The following DLG2 variants were observed in gnomAD, a reference collection of about 807,000 sequenced individuals.
DLG2 encodes the protein discs large MAGUK scaffold protein 2, also known as disks large homolog 2.
DLG2 carries 45 observed loss-of-function variants against 132.5 expected under a neutral mutation model. The observed-to-expected ratio is 0.34, with a 90% CI of 0.27 to 0.44. The LOEUF (loss-of-function observed/expected upper bound fraction) is 0.44, where lower values mean the gene tolerates loss of function less well. Ranked by LOEUF, DLG2 falls within the 20% of genes least tolerant of loss-of-function variation. The pLI is 1.00. For missense variants in DLG2, 1,045 were observed against 1,196.9 expected, an observed-to-expected ratio of 0.87 and a Z score of 1.87; for synonymous variants, 424 against 419.6, an observed-to-expected ratio of 1.01 and a Z score of -0.13.
chr11:85,477,902 G>T (rs1157007678), intron 3 of DLG2, among the ~76,000 whole-genome samples: 1 of 152,062 alleles, frequency 6.6e-6, no homozygotes. Flanking sequence ...TTATTCATTT[G>T]CTGTCCACAA....
intron 9 of DLG2, among the ~76,000 whole-genome samples, chr11:84,158,171 C>G (rs1364537453): frequency 6.6e-6 from 1 of 151,988 alleles, no homozygotes; most frequent in East Asian, 1.9e-4. Flanking sequence ...TCATGCCATT[C>G]TCCTGCCTCA....
chr11:83,865,945 C>T (rs1057336062), intron 16 of DLG2, among the ~76,000 whole-genome samples: 2 of 152,124 alleles, frequency 1.3e-5, no homozygotes, highest in Admixed American at 6.6e-5. Flanking sequence ...ATTGTGCAGC[C>T]ATTGATAATG....
At chr11:84,651,898 A>G (rs1414855601) in intron 6 of DLG2, among the ~76,000 whole-genome samples, 4 of 152,182 alleles carry the variant, frequency 2.6e-5, no homozygotes, top group African/African-American at 7.2e-5. Context: ...GTACCAATAT[A>G]CAGATTTTAA....
chr11:83,920,292 A>C (rs1393835884), intron 15 of DLG2, among the ~76,000 whole-genome samples: 2 of 152,212 alleles, frequency 1.3e-5, no homozygotes, highest in African/African-American at 4.8e-5. Flanking sequence ...TTTAAACCTC[A>C]TATGAGCTGA....
rs552333696 is a variant in DLG2 at position 85,262,828 on chromosome 11, T to C, written c.186+22392A>G. On this transcript the variant is annotated intron_variant, in intron 4 of 27. Transcript: ENST00000376104. ...TTCCCAGTTCATCTGCATCTCATTA[T>C]GGAGCCACGAGAATAAGCAGCCCAA... Among the ~76,000 whole-genome samples the C allele has an allele frequency of 7.9e-5, 12 of 152,332 alleles. No homozygotes were observed. The South Asian group carries it at 2.5e-3, about 32-fold the overall frequency.
intron 18 of DLG2, chr11:83,645,608 T>C (rs908926714): frequency 3.3e-5 from 5 of 152,116 alleles, no homozygotes; most frequent in South Asian, 4.1e-4. Flanking sequence ...GGCAAATTTA[T>C]CTTTCCTCTG....
intron 6 of DLG2, among the ~76,000 whole-genome samples, chr11:84,738,656 T>C (rs1376083342): frequency 6.6e-6 from 1 of 152,154 alleles, no homozygotes; most frequent in Non-Finnish European, 1.5e-5. Context: ...GTGGAGGAAC[T>C]GAAACTCCCC....
chr11:85,452,525 C>T (rs2092283287), intron 3 of DLG2: 1 of 200,776 alleles, frequency 5.0e-6, no homozygotes, highest in African/African-American at 2.3e-5. Context: ...CTACTATAGC[C>T]TCCATCACTG....
chr11:84,139,097 G>A (rs908091910), intron 9 of DLG2, among the ~76,000 whole-genome samples: 8 of 152,118 alleles, frequency 5.3e-5, no homozygotes, highest in African/African-American at 1.9e-4. Context: ...AACAAGAAGA[G>A]TCAAGTCTAG....
intron 6 of DLG2, among the ~76,000 whole-genome samples, chr11:84,693,127 T>C (rs1363047153): frequency 1.3e-5 from 2 of 151,762 alleles, no homozygotes; most frequent in Admixed American, 1.3e-4. Flanking sequence ...GTTAAGAATG[T>C]CTCGTAAGTA....
At chr11:84,307,630 A>C (rs2090215) in intron 7 of DLG2, among the ~76,000 whole-genome samples, 1 of 146,556 alleles carries the variant, frequency 6.8e-6, no homozygotes, top group Admixed American at 6.9e-5. Context: ...CGGGAAGCAG[A>C]CCTTGCAGTG....
intron 6 of DLG2, among the ~76,000 whole-genome samples, chr11:84,663,228 G>GTT (rs1206402483): frequency 2.6e-5 from 3 of 116,378 alleles, no homozygotes; most frequent in Non-Finnish European, 5.1e-5. Context: ...GCCTTTACAG[G>GTT]TTATATATAT....
intron 17 of DLG2, among the ~76,000 whole-genome samples, chr11:83,808,827 T>C (rs902659934): frequency 1.4e-4 from 21 of 152,190 alleles, no homozygotes; most frequent in Admixed American, 8.5e-4. Context: ...TCATTTTTTT[T>C]CCTCTCTATT....
At position 83,712,350 on chromosome 11, in the gene DLG2, C is replaced by T. The variant is rs748631536; in HGVS notation, c.1825+74340G>A. Among the ~76,000 whole-genome samples the T allele has an allele frequency of 3.9e-5, 6 of 152,136 alleles. No individual in the cohort carries two copies. In the South Asian group the frequency reaches 8.3e-4, roughly 21 times the overall value. The stretch of plus-strand genomic sequence containing the variant: ...AGTCATAAAAAGGATCAAGATTTGC[C>T]GGGCGTGGTGGCTTACACCTGTAAT... On this transcript the variant is annotated intron_variant, in intron 18 of 27. Coordinates refer to ENST00000376104, the MANE Select transcript of DLG2 (RefSeq NM_001142699.3).
At chr11:83,700,089 T>C (rs1252438222) in intron 18 of DLG2, among the ~76,000 whole-genome samples, 1 of 151,812 alleles carries the variant, frequency 6.6e-6, no homozygotes, top group African/African-American at 2.4e-5. Flanking sequence ...AAATACCTTA[T>C]AAAAATTAAA....
At chr11:83,932,880 T>C (rs993872794) in intron 14 of DLG2, among the ~76,000 whole-genome samples, 2 of 152,136 alleles carry the variant, frequency 1.3e-5, no homozygotes, top group African/African-American at 4.8e-5. Context: ...AGTACTTAAT[T>C]ATAGCATGTG....
chr11:83,686,001 CCT>C (rs1412810612), intron 18 of DLG2, among the ~76,000 whole-genome samples: 2 of 151,848 alleles, frequency 1.3e-5, no homozygotes, highest in Non-Finnish European at 2.9e-5. Flanking sequence ...CAAAATGTAC[CCT>C]CTGTCTTTTT....
chr11:84,436,424 C>A (rs1398157178), intron 7 of DLG2, among the ~76,000 whole-genome samples: 2 of 152,134 alleles, frequency 1.3e-5, no homozygotes, highest in Non-Finnish European at 2.9e-5. Flanking sequence ...CACTGTGCCA[C>A]AGGCCAGGAG....
chr11:84,693,908 A>G (rs542436259), intron 6 of DLG2, among the ~76,000 whole-genome samples: 47 of 151,800 alleles, frequency 3.1e-4, no homozygotes, highest in Admixed American at 7.9e-4. Context: ...TCTCTAAGAC[A>G]TTCCCAAACT....
Sources: gnomAD v4.1 joint callset for allele counts (sites outside exome capture counted in the v4.1 genomes callset) on GRCh38, gnomAD v4.1.1 for gene constraint, MANE v1.5 for transcripts, NCBI Gene and HGNC (gene_info 2026-07-23, HGNC 2026-07-21) for gene names.